HHAT: variants seen among roughly 807,000 people sequenced by gnomAD.
The protein encoded by HHAT is hedgehog acyltransferase.
A neutral mutation model predicts 70.8 loss-of-function variants in HHAT; 47 were observed. The observed-to-expected ratio is 0.66, with a 90% confidence interval of 0.53 to 0.85. HHAT has a LOEUF of 0.85. HHAT is among the 40% of genes least tolerant of loss of function. The probability of loss-of-function intolerance (pLI) is 0.00; values close to 1 mark genes in which losing one functional copy is unlikely to be tolerated. For synonymous variants in HHAT, 228 were observed against 247.6 expected (o/e 0.92, Z 0.74); for missense variants, 609 against 604.8 (o/e 1.01, Z -0.07).
intron 3 of HHAT, among the ~76,000 whole-genome samples, 160 bp from the exon 4 acceptor site, chr1:210,387,308 G>A (rs899294726): frequency 2.0e-5 from 3 of 150,946 alleles, no homozygotes; most frequent in Non-Finnish European, 4.4e-5. Flanking sequence ...AAGCTGGAGG[G>A]GAGTGTACAG....
At chr1:210,590,464 A>G (rs1296599526) in intron 10 of HHAT, 1 of 149,272 alleles carries the variant, frequency 6.7e-6, no homozygotes, top group Non-Finnish European at 1.5e-5. Flanking sequence ...AAAGAAATTT[A>G]GTATACAGAA....
rs539151844 is a variant in HHAT at position 210,541,867 on chromosome 1, C to T, written c.1043+28679C>T. Among the ~76,000 whole-genome samples, 4 of 152,340 alleles carry T rather than the reference C, an allele frequency of 2.6e-5. No individual in the cohort carries two copies. The East Asian group carries it at 7.7e-4, about 29-fold the overall frequency. ...CAGCTGAGGGCCTGGGAACGATTTG[C>T]TGTCTGCCCAGTGCCCCAGGCCGAC... On this transcript the variant is annotated intron_variant, in intron 9 of 11. Transcript: ENST00000261458.
chr1:210,420,674 A>AC (rs1491367327), intron 7 of HHAT, among the ~76,000 whole-genome samples: 1 of 134,360 alleles, frequency 7.4e-6, no homozygotes, highest in Non-Finnish European at 1.7e-5. Flanking sequence ...ATTTAAAAAA[A>AC]CAAAAAAAAA....
chr1:210,412,495 C>G (rs2148248925), intron 6 of HHAT, among the ~76,000 whole-genome samples: 1 of 152,252 alleles, frequency 6.6e-6, no homozygotes, highest in South Asian at 2.1e-4. Flanking sequence ...ACACCCAAAT[C>G]CAATGGTGAG....
At chr1:210,642,952 T>C (rs1673262258) in intron 11 of HHAT, among the ~76,000 whole-genome samples, 1 of 152,246 alleles carries the variant, frequency 6.6e-6, no homozygotes, top group Admixed American at 6.5e-5. Flanking sequence ...CTATGTTATC[T>C]TCTATTAGTA....
At chr1:210,353,128 G>A (rs1430910953) in intron 2 of HHAT, among the ~76,000 whole-genome samples, 1 of 151,978 alleles carries the variant, frequency 6.6e-6, no homozygotes, top group African/African-American at 2.4e-5. Flanking sequence ...TACAGACAGG[G>A]TTTTACCATG....
intron 7 of HHAT, among the ~76,000 whole-genome samples, chr1:210,422,361 A>G (rs1164501491): frequency 6.6e-6 from 1 of 152,176 alleles, no homozygotes; most frequent in Non-Finnish European, 1.5e-5. Flanking sequence ...AGAACACTTG[A>G]ACTTATTCTA....
chr1:210,652,437 A>C (rs1675347442), intron 11 of HHAT, among the ~76,000 whole-genome samples: 1 of 152,174 alleles, frequency 6.6e-6, no homozygotes, highest in South Asian at 2.1e-4. Flanking sequence ...TTGAGCTGCT[A>C]CAGAGGGCAG....
rs144868582 is a variant in HHAT at position 210,594,455 on chromosome 1, CTTTG to C, written c.1245+6361_1245+6364del. Reference sequence around the variant, plus strand: ...AACGAATAAAAACTCTACACTTTAACTTTGTTTGCACTGCTTTTAACTTTTTGTT... The same window carrying C: ...AACGAATAAAAACTCTACACTTTAACTTTGCACTGCTTTTAACTTTTTGTT... On this transcript the variant is annotated intron_variant, in intron 10 of 11. Transcript: ENST00000261458. Among the ~76,000 whole-genome samples, 757 of 151,826 alleles carry C rather than the reference CTTTG, an allele frequency of 5.0e-3. 11 individuals are homozygous for C. Among genetic ancestry groups the C allele is most frequent in the African/African-American group, 0.017 (700 of 41,176 alleles).
chr1:210,560,643 C>A (rs1415622847), intron 9 of HHAT, among the ~76,000 whole-genome samples: 1 of 147,142 alleles, frequency 6.8e-6, no homozygotes, highest in African/African-American at 2.5e-5. Context: ...TAGACCCCAT[C>A]TCTACCAAAA....
intron 9 of HHAT, among the ~76,000 whole-genome samples, chr1:210,566,772 C>T (rs1305127617): frequency 6.6e-6 from 1 of 152,146 alleles, no homozygotes; most frequent in East Asian, 1.9e-4. Context: ...TCAGTAAAAC[C>T]CCTGCATTCA....
At chr1:210,663,733 G>C (rs12125545) in intron 11 of HHAT, among the ~76,000 whole-genome samples, 52,392 of 152,106 alleles carry the variant, frequency 0.34, 11,155 homozygotes, top group South Asian at 0.54. Flanking sequence ...ACATCACCTG[G>C]AACTTGCTAG....
chr1:210,340,935 G>C (rs1227857054), intron 1 of HHAT, among the ~76,000 whole-genome samples: 1 of 152,176 alleles, frequency 6.6e-6, no homozygotes, highest in Non-Finnish European at 1.5e-5. Context: ...TGTGTGATTT[G>C]GGGCGGGTTT....
In HHAT at chr1:210,664,295, A is replaced by C. The variant is rs147309031; in HGVS notation, c.1391-9993A>C. On this transcript the variant is annotated intron_variant, in intron 11 of 11. Coordinates refer to ENST00000261458, the MANE Select transcript of HHAT (RefSeq NM_018194.6). ...TGACTCCATGATATCTCCAGACTGC[A>C]ACTACTAGAGTAAATAAGATTTAAA... is the stretch of plus-strand genomic sequence containing the variant. Among the ~76,000 whole-genome samples the C allele has an allele frequency of 3.7e-3, 563 of 152,360 alleles. 3 individuals carry two copies. The highest frequency in any genetic ancestry group is 4.8e-3 in the Non-Finnish European group (329 of 68,034).
intron 9 of HHAT, among the ~76,000 whole-genome samples, chr1:210,553,117 T>G (rs2095541507): frequency 6.6e-6 from 1 of 152,176 alleles, no homozygotes; most frequent in Admixed American, 6.5e-5. Flanking sequence ...CCCAAGGGCC[T>G]TTAAGGGGAG....
intron 5 of HHAT, 77 bp downstream of exon 5, chr1:210,400,739 G>T: frequency 7.5e-7 from 1 of 1,337,746 alleles, no homozygotes; most frequent in Non-Finnish European, 1.0e-6. Context: ...AGACACCTTG[G>T]TTTTCAGACA....
Position 210,674,551 on chromosome 1 carries a change from T to C in HHAT, c.*172T>C, listed in dbSNP as rs1680833196. On this transcript the variant is annotated 3_prime_UTR_variant, in exon 12 of 12. Transcript: ENST00000261458. Reference sequence around the variant, plus strand: ...TCATAGAAAATTCACAGCCAGACAATCTTCTAATCTGGAGTCTTTGAGATC... The same window carrying C: ...TCATAGAAAATTCACAGCCAGACAACCTTCTAATCTGGAGTCTTTGAGATC... 2 of 585,808 alleles carry C rather than the reference T, an allele frequency of 3.4e-6. No homozygotes were observed. The highest frequency in any genetic ancestry group is 6.1e-6 in the Non-Finnish European group (2 of 329,916). The allele number at this position is 585,808 out of a possible 1,614,324, so 36.3% of individuals were successfully genotyped here. A position where few individuals can be genotyped will look rare whatever the true frequency, so the allele number is the denominator to read the frequency against.
At chr1:210,455,578 C>T (rs990397053) in intron 7 of HHAT, among the ~76,000 whole-genome samples, 2 of 152,094 alleles carry the variant, frequency 1.3e-5, no homozygotes, top group Non-Finnish European at 2.9e-5. Context: ...TTGGAGACAG[C>T]TGACCCGATT....
chr1:210,560,845 A>AC (rs1281614263), intron 9 of HHAT, among the ~76,000 whole-genome samples: 1 of 146,786 alleles, frequency 6.8e-6, no homozygotes, highest in African/African-American at 2.5e-5. Context: ...AAAAAAAAAA[A>AC]AAAAAACCAG....
Sources: gnomAD v4.1 joint callset for allele counts (sites outside exome capture counted in the v4.1 genomes callset) on GRCh38, gnomAD v4.1.1 for gene constraint, MANE v1.5 for transcripts, NCBI Gene and HGNC (gene_info 2026-07-23, HGNC 2026-07-21) for gene names.